The following SPECC1L variants were observed in gnomAD, a reference collection of about 807,000 sequenced individuals.
SPECC1L encodes the protein sperm antigen with calponin homology and coiled-coil domains 1 like.
Under a neutral mutation model 116.8 loss-of-function variants are expected in SPECC1L, and 40 were observed. The observed-to-expected ratio is 0.34, with a 90% confidence interval of 0.27 to 0.45. The LOEUF is 0.45. Among genes scored for constraint, SPECC1L ranks in the 20% least tolerant of loss-of-function variants. The pLI is 1.00. For missense variants in SPECC1L, 1,110 were observed against 1,373.6 expected (o/e 0.81, Z 3.03); for synonymous variants, 504 against 500.6 (o/e 1.01, Z -0.09).
chr22:24,345,119 A>G lies in SPECC1L; in HGVS notation c.2653-1967A>G, dbSNP rs543100536. Reference sequence around the variant, plus strand: ...TGGAGGACAAATTTGGAGGACTTGTACTACCTGATTTCAACATTAGATCAG... The same window carrying G: ...TGGAGGACAAATTTGGAGGACTTGTGCTACCTGATTTCAACATTAGATCAG... On this transcript the variant is annotated intron_variant, in intron 10 of 16. Coordinates refer to ENST00000314328, the MANE Select transcript of SPECC1L (RefSeq NM_015330.6). Among the ~76,000 whole-genome samples, 58 of 152,354 alleles carry G rather than the reference A, an allele frequency of 3.8e-4. 3 individuals carry two copies. The South Asian group carries it at 0.012, about 30-fold the overall frequency.
chr22:24,316,727 C>T (rs1235224835), intron 4 of SPECC1L, among the ~76,000 whole-genome samples: 1 of 149,854 alleles, frequency 6.7e-6, no homozygotes, highest in Non-Finnish European at 1.5e-5. Flanking sequence ...TTTTCCCCAC[C>T]TTTCCCCCCT....
At chr22:24,411,885 G>A (rs2042706014) in intron 15 of SPECC1L, among the ~76,000 whole-genome samples, 181 bp downstream of exon 15, 1 of 152,266 alleles carries the variant, frequency 6.6e-6, no homozygotes, top group Non-Finnish European at 1.5e-5. Context: ...GTCCCACCTT[G>A]TGTGGAGTAT....
chr22:24,346,697 C>T (rs546910981), intron 10 of SPECC1L, among the ~76,000 whole-genome samples: 16 of 152,200 alleles, frequency 1.1e-4, no homozygotes, highest in African/African-American at 3.9e-4. Context: ...TGGAAATGTT[C>T]TTTATCTTGA....
chr22:24,342,440 GCAGGTGGATCACCTGAGGT>G (rs983524968), intron 10 of SPECC1L, among the ~76,000 whole-genome samples: 93 of 152,296 alleles, frequency 6.1e-4, no homozygotes, highest in African/African-American at 2.2e-3. Context: ...GGAGGCCAAG[GCAGGTGGATCACCTGAGGT>G]CAGGAGTTCA....
rs996991896 is a variant in SPECC1L at position 24,416,625 on chromosome 22, C to T, written c.*2002C>T. Reference sequence around the variant, plus strand: ...GGTTTGGTTTATTTATTTTGTCCTTCAGGGGCTGTTTTGCCCTAAGAATGA... The same window carrying T: ...GGTTTGGTTTATTTATTTTGTCCTTTAGGGGCTGTTTTGCCCTAAGAATGA... On this transcript the variant is annotated 3_prime_UTR_variant, in exon 17 of 17. Coordinates refer to ENST00000314328, the MANE Select transcript of SPECC1L (RefSeq NM_015330.6). 6.6e-6 allele frequency: 1 copy of T among 152,282 alleles called. No homozygotes were observed. Among genetic ancestry groups the T allele is most frequent in the Non-Finnish European group, 1.5e-5 (1 of 68,074 alleles). 9.4% of individuals were successfully genotyped at this position (152,282 alleles called of 1,614,324 possible).
chr22:24,338,250 G>A lies in SPECC1L; in HGVS notation c.2561-136G>A, dbSNP rs1453020355. Reference sequence around the variant, plus strand: ...AAGACATGGCTACAAGTGTTCAGCAGAGGCTAGACATCAGCCAAGACAGTG... The same window carrying A: ...AAGACATGGCTACAAGTGTTCAGCAAAGGCTAGACATCAGCCAAGACAGTG... On this transcript the variant is annotated intron_variant, in intron 9 of 16. Coordinates refer to ENST00000314328, the MANE Select transcript of SPECC1L (RefSeq NM_015330.6). 30 of 835,574 alleles carry A rather than the reference G, an allele frequency of 3.6e-5. 1 individual carries two copies. The highest frequency in any genetic ancestry group is 1.4e-5 in the South Asian group (1 of 73,324). 51.8% of individuals were successfully genotyped at this position (835,574 alleles called of 1,614,324 possible).
intron 6 of SPECC1L, 51 bp from the exon 7 acceptor site, chr22:24,328,795 C>A: frequency 7.1e-7 from 1 of 1,405,580 alleles, no homozygotes; most frequent in Non-Finnish European, 1.0e-6. Flanking sequence ...TGTATTATTA[C>A]TCTGAAGATT....
At chr22:24,325,406 C>G (rs1374472712) in intron 6 of SPECC1L, among the ~76,000 whole-genome samples, 2 of 152,106 alleles carry the variant, frequency 1.3e-5, no homozygotes, top group African/African-American at 4.8e-5. Context: ...AAATACATTC[C>G]ATTTCAGAGT....
chr22:24,402,440 T>C (rs1231449630), intron 14 of SPECC1L, among the ~76,000 whole-genome samples: 1 of 151,866 alleles, frequency 6.6e-6, no homozygotes, highest in African/African-American at 2.4e-5. Flanking sequence ...AAAAGGAACC[T>C]CACTCACCTC....
At chr22:24,381,795 A>G (rs1447597931) in intron 14 of SPECC1L, among the ~76,000 whole-genome samples, 1 of 152,130 alleles carries the variant, frequency 6.6e-6, no homozygotes, top group Non-Finnish European at 1.5e-5. Context: ...AAGGCAGGAG[A>G]ATGGCGTGAA....
chr22:24,320,864 C>A (rs558138922), intron 4 of SPECC1L, among the ~76,000 whole-genome samples: 1 of 152,336 alleles, frequency 6.6e-6, no homozygotes, highest in East Asian at 1.9e-4. Context: ...GATCTCCCTT[C>A]ACTATCTGTG....
At chr22:24,370,443 G>A (rs1456101544) in intron 14 of SPECC1L, among the ~76,000 whole-genome samples, 1 of 152,216 alleles carries the variant, frequency 6.6e-6, no homozygotes, top group Non-Finnish European at 1.5e-5. Context: ...GCAAAGATGT[G>A]GAGAAATGGG....
At chr22:24,278,918 G>A (rs984846155) in intron 2 of SPECC1L, among the ~76,000 whole-genome samples, 5 of 152,192 alleles carry the variant, frequency 3.3e-5, no homozygotes, top group Non-Finnish European at 7.3e-5. Context: ...AAAAGTAAAT[G>A]TGTCAGTCCT....
chr22:24,363,226 G>A (rs753402960), intron 11 of SPECC1L, 35 bp from the exon 12 acceptor site: 1 of 1,574,702 alleles, frequency 6.4e-7, no homozygotes, highest in South Asian at 1.1e-5. Flanking sequence ...TTCAGCATCA[G>A]ATTTCTTTAT....
chr22:24,393,134 C>T (rs2042303037), intron 14 of SPECC1L, among the ~76,000 whole-genome samples: 1 of 152,186 alleles, frequency 6.6e-6, no homozygotes, highest in South Asian at 2.1e-4. Flanking sequence ...TTTGATGGGG[C>T]ATAGGAGGCT....
At chr22:24,372,504 A>G (rs1320145790) in intron 14 of SPECC1L, among the ~76,000 whole-genome samples, 4 of 152,220 alleles carry the variant, frequency 2.6e-5, no homozygotes, top group African/African-American at 9.6e-5. Context: ...CAGCATATAA[A>G]CAGAACCAGT....
At chr22:24,333,686 A>G (rs966079728) in intron 8 of SPECC1L, among the ~76,000 whole-genome samples, 1 of 151,696 alleles carries the variant, frequency 6.6e-6, no homozygotes, top group Non-Finnish European at 1.5e-5. Flanking sequence ...AATTAATATT[A>G]TACCAGTATA....
intron 14 of SPECC1L, among the ~76,000 whole-genome samples, chr22:24,400,329 G>A (rs2042448765): frequency 1.3e-5 from 2 of 152,166 alleles, no homozygotes; most frequent in African/African-American, 4.8e-5. Context: ...ACAGTATGTA[G>A]CCTTTTGTGT....
intron 14 of SPECC1L, among the ~76,000 whole-genome samples, chr22:24,408,719 G>A (rs2042638139): frequency 6.6e-6 from 1 of 152,252 alleles, no homozygotes; most frequent in Non-Finnish European, 1.5e-5. Flanking sequence ...TTAATGAGAG[G>A]AAATGGCCTG....
Sources: gnomAD v4.1 joint callset for allele counts (sites outside exome capture counted in the v4.1 genomes callset) on GRCh38, gnomAD v4.1.1 for gene constraint, MANE v1.5 for transcripts, NCBI Gene and HGNC (gene_info 2026-07-23, HGNC 2026-07-21) for gene names.